The following WDFY4 variants were observed in gnomAD, a reference collection of about 807,000 sequenced individuals.
WDFY4 encodes WD repeat- and FYVE domain-containing protein 4.
WDFY4 carries 169 observed loss-of-function variants against 351.9 expected under a neutral mutation model. The ratio of observed to expected loss-of-function variants is 0.48; its 90% CI spans 0.42 to 0.55. The LOEUF is 0.55. Ranked by LOEUF, WDFY4 falls within the 20% of genes least tolerant of loss-of-function variation. WDFY4 has a pLI of 0.00. For synonymous variants in WDFY4, 1,622 were observed against 1,574.6 expected, an observed-to-expected ratio of 1.03 and a Z score of -0.71; for missense variants, 3,803 against 3,935.6, an observed-to-expected ratio of 0.97 and a Z score of 0.90.
chr10:48,783,217 G>A (rs1007700222), intron 19 of WDFY4, among the ~76,000 whole-genome samples: 1 of 152,072 alleles, frequency 6.6e-6, no homozygotes, highest in Non-Finnish European at 1.5e-5. Context: ...AAATAAAATG[G>A]TGTAGTATTT....
chr10:48,817,405 A>C lies in WDFY4; in HGVS notation c.5501A>C (p.Gln1834Pro). The change falls in exon 32 of 62, where the codon CAA becomes CCA. Residue 1834 changes from glutamine to proline, a missense_variant. Coordinates refer to ENST00000325239, the MANE Select transcript of WDFY4 (RefSeq NM_001394531.1). ...LAIAAFPLGA[Q>P]KGVGAESTRN... ...ATAGCCGCCTTCCCCCTGGGAGCCC[A>C]AAAGGTAGGACATGCTGCTGTCCCA... 6.5e-7 allele frequency: 1 copy of C among 1,549,588 alleles called. No individual in the cohort carries two copies.
chr10:48,921,074 G>T lies in WDFY4; in HGVS notation c.7586+19211G>T, dbSNP rs1026407480. Among the ~76,000 whole-genome samples the T allele has an allele frequency of 3.7e-4, 57 of 152,166 alleles. 1 individual carries two copies. The highest frequency in any genetic ancestry group is 8.1e-4 in the Non-Finnish European group (55 of 67,988). On this transcript the variant is annotated intron_variant, in intron 47 of 61. Transcript: ENST00000325239. ...CTTAATGTCAACTCTCCCCAAATTG[G>T]TCTAATCAAAATTACAGGAGGATTA...
At chr10:48,957,469 C>A (rs1440037982) in intron 52 of WDFY4, among the ~76,000 whole-genome samples, 187 bp downstream of exon 52, 1 of 152,184 alleles carries the variant, frequency 6.6e-6, no homozygotes, top group Non-Finnish European at 1.5e-5. Flanking sequence ...GGCGCTGGCC[C>A]CAGGCTGCCA....
At chr10:48,825,749 A>G (rs2133026786) in intron 35 of WDFY4, among the ~76,000 whole-genome samples, 1 of 152,076 alleles carries the variant, frequency 6.6e-6, no homozygotes, top group Non-Finnish European at 1.5e-5. Context: ...GGCCACCTGA[A>G]TGTCTTCTTT....
rs549661078 is a variant in WDFY4, at chr10:48,743,125, A to G, written c.2036A>G (p.Glu679Gly). The change falls in exon 12 of 62, where the codon GAG becomes GGG. Residue 679 changes from glutamate (E) to glycine (G), a missense_variant. By Grantham distance (98) the Glu-to-Gly change is moderately conservative. This residue lies in a region of WDFY4 where 3,054 missense variants were observed against 3,148.6 expected (regional missense o/e 0.97). Coordinates refer to ENST00000325239, the MANE Select transcript of WDFY4 (RefSeq NM_001394531.1). ...WGAVSPRQTL[E>G]LVLYTLCAVS... ...GCAGTATCCCCCAGACAGACCCTGG[A>G]GCTGGTTTTGTACACTCTCTGTGCT... 1.3e-6 allele frequency: 2 copies of G among 1,551,572 alleles called. No homozygotes were observed. Among genetic ancestry groups the G allele is most frequent in the Admixed American group, 2.0e-5 (1 of 50,996 alleles).
chr10:48,867,518 A>G (rs1367478087), intron 40 of WDFY4, among the ~76,000 whole-genome samples, 176 bp downstream of exon 40: 1 of 152,222 alleles, frequency 6.6e-6, no homozygotes, highest in East Asian at 1.9e-4. Context: ...GGGCAGGCTT[A>G]GATATTTAAA....
intron 13 of WDFY4, among the ~76,000 whole-genome samples, chr10:48,769,828 A>T (rs1483910597): frequency 6.6e-6 from 1 of 152,254 alleles, no homozygotes; most frequent in Non-Finnish European, 1.5e-5. Context: ...GCGTGGACTT[A>T]AAGGCTAGGT....
chr10:48,779,171 C>A (rs967189588), intron 18 of WDFY4, among the ~76,000 whole-genome samples: 3 of 152,224 alleles, frequency 2.0e-5, no homozygotes, highest in Non-Finnish European at 4.4e-5. Context: ...CAGGCTGCAT[C>A]CTCTCCTGAG....
rs182651524 is a variant in WDFY4 at position 48,846,201 on chromosome 10, T to A, written c.6663+13492T>A. Among the ~76,000 whole-genome samples, 220 of 152,356 alleles carry A rather than the reference T, an allele frequency of 1.4e-3. 1 individual carries two copies. The highest frequency in any genetic ancestry group is 5.0e-3 in the African/African-American group (209 of 41,580). ...GCTGCTTATCCAAGTTCATTTCCTG[T>A]CACATTCCCACATGGCATCTTTGCT... On this transcript the variant is annotated intron_variant, in intron 39 of 61. Coordinates refer to ENST00000325239, the MANE Select transcript of WDFY4 (RefSeq NM_001394531.1).
intron 35 of WDFY4, among the ~76,000 whole-genome samples, chr10:48,826,125 T>C (rs3095913): frequency 1.3e-5 from 2 of 152,340 alleles, no homozygotes; most frequent in East Asian, 3.9e-4. Context: ...CTTGAGTTAA[T>C]TTTCATATAA....
chr10:48,887,923 CTG>C (rs2070534149), intron 43 of WDFY4, among the ~76,000 whole-genome samples: 2 of 152,316 alleles, frequency 1.3e-5, no homozygotes, highest in East Asian at 3.9e-4. Context: ...GTCAAATAAA[CTG>C]TAGCATATCC....
At chr10:48,901,953 C>A in intron 47 of WDFY4, 90 bp downstream of exon 47, 1 of 1,196,364 alleles carries the variant, frequency 8.4e-7, no homozygotes. Flanking sequence ...AGAAGTCTTG[C>A]AGAGAGCATG....
intron 1 of WDFY4, 65 bp from the exon 2 acceptor site, chr10:48,709,651 C>T: frequency 7.1e-7 from 1 of 1,400,142 alleles, no homozygotes; most frequent in Admixed American, 2.0e-5. Flanking sequence ...AGTACCTTAT[C>T]CACAGCCAGA....
chr10:48,875,012 T>C, intron 41 of WDFY4, 77 bp from the exon 42 acceptor site: 2 of 865,996 alleles, frequency 2.3e-6, no homozygotes, highest in Non-Finnish European at 3.3e-6. Flanking sequence ...TGTTTGTGAA[T>C]CTGTGGAATT....
intron 47 of WDFY4, 22 bp downstream of exon 47, chr10:48,901,885 G>C (rs769675501): frequency 1.4e-5 from 22 of 1,547,202 alleles, no homozygotes; most frequent in Non-Finnish European, 1.8e-5. Context: ...TAGCCATGCT[G>C]TCTGGGCATG....
At chr10:48,745,754 T>A in intron 12 of WDFY4, 1 of 518,530 alleles carries the variant, frequency 1.9e-6, no homozygotes, top group Non-Finnish European at 3.6e-6. Flanking sequence ...CTTGTGGGCT[T>A]CAGATGCACA....
At chr10:48,869,801 G>T (rs982894154) in intron 40 of WDFY4, among the ~76,000 whole-genome samples, 1 of 152,024 alleles carries the variant, frequency 6.6e-6, no homozygotes, top group African/African-American at 2.4e-5. Flanking sequence ...CTCAGAAATG[G>T]CCACTGTCTT....
At chr10:48,727,769 C>T in intron 7 of WDFY4, 110 bp downstream of exon 7, 2 of 1,330,146 alleles carry the variant, frequency 1.5e-6, no homozygotes, top group Non-Finnish European at 2.0e-6. Context: ...AGAACATGGC[C>T]AGAGAGACCT....
Position 48,727,212 on chromosome 10 carries a change from C to T in WDFY4, c.782-258C>T, listed in dbSNP as rs530810107. On this transcript the variant is annotated intron_variant, in intron 6 of 61. Coordinates refer to ENST00000325239, the MANE Select transcript of WDFY4 (RefSeq NM_001394531.1). The stretch of plus-strand genomic sequence containing the variant: ...ACCTAATGGACCTGGACTCCCCCTT[C>T]TTGCTGAGAATTAGGGACAGAGGGC... Among the ~76,000 whole-genome samples, 51 of 152,346 alleles carry T rather than the reference C, an allele frequency of 3.3e-4. 1 individual carries two copies. The Middle Eastern group carries it at 0.031, about 91-fold the overall frequency.
Sources: gnomAD v4.1 joint callset for allele counts (sites outside exome capture counted in the v4.1 genomes callset) on GRCh38, gnomAD v4.1.1 for gene constraint, gnomAD v4.1.1 regional missense constraint, MANE v1.5 for transcripts, NCBI Gene and HGNC (gene_info 2026-07-23, HGNC 2026-07-21) for gene names.